Variants in FHIT observed in about 807,000 individuals in gnomAD.
FHIT encodes bis(5'-adenosyl)-triphosphatase.
In FHIT, 19 loss-of-function variants were observed where a neutral mutation model predicts 17.9. The observed-to-expected ratio is 1.06, with a 90% CI of 0.74 to 1.56. The LOEUF is 1.56. Ranked by LOEUF, FHIT falls within the 40% of genes most tolerant of loss-of-function variation. The probability of loss-of-function intolerance (pLI) is 0.00; values close to 1 mark genes in which losing one functional copy is unlikely to be tolerated. For missense variants in FHIT, 248 were observed against 189.2 expected, an observed-to-expected ratio of 1.31 and a Z score of -1.82; for synonymous variants, 81 against 69.7, an observed-to-expected ratio of 1.16 and a Z score of -0.81.
At chr3:60,184,906 T>C (rs183383116) in intron 5 of FHIT, among the ~76,000 whole-genome samples, 268 of 152,330 alleles carry the variant, frequency 1.8e-3, no homozygotes, top group Non-Finnish European at 3.1e-3. Context: ...GACCCATCTT[T>C]GGCGCTTGGG....
intron 4 of FHIT, among the ~76,000 whole-genome samples, chr3:60,721,182 G>C (rs1242853110): frequency 6.6e-6 from 1 of 152,126 alleles, no homozygotes; most frequent in Non-Finnish European, 1.5e-5. Flanking sequence ...GGTGAGCCGG[G>C]AAGCATTTGC....
intron 4 of FHIT, among the ~76,000 whole-genome samples, chr3:60,576,829 C>G (rs2037582317): frequency 6.6e-6 from 1 of 151,954 alleles, no homozygotes; most frequent in Admixed American, 6.6e-5. Flanking sequence ...GAAAACCTAT[C>G]CCCCTAAAGC....
intron 5 of FHIT, among the ~76,000 whole-genome samples, chr3:60,504,121 C>T (rs2107529077): frequency 6.6e-6 from 1 of 152,214 alleles, no homozygotes; most frequent in Admixed American, 6.5e-5. Context: ...TATTGATAGC[C>T]ACCAATGTCA....
At position 60,719,587 on chromosome 3, in the gene FHIT, T is replaced by C. The variant is rs1004537802; in HGVS notation, c.-18+102332A>G. Among the ~76,000 whole-genome samples, 6 of 152,288 alleles carry C rather than the reference T, an allele frequency of 3.9e-5. No individual in the cohort carries two copies. In the South Asian group the frequency reaches 1.0e-3, roughly 26 times the overall value. On this transcript the variant is annotated intron_variant, in intron 4 of 9. Coordinates refer to ENST00000492590, the MANE Select transcript of FHIT (RefSeq NM_002012.4). ...CCCTAGATTATCAAAGTATGGTCCA[T>C]GAACTGGCAGCGTCAGCAGCATTTG...
At chr3:60,741,033 G>A (rs1553713759) in intron 4 of FHIT, among the ~76,000 whole-genome samples, 2 of 152,150 alleles carry the variant, frequency 1.3e-5, no homozygotes, top group African/African-American at 4.8e-5. Flanking sequence ...CAGAAAAAAA[G>A]TCCAGGGACA....
intron 3 of FHIT, among the ~76,000 whole-genome samples, chr3:61,008,057 C>T (rs1253885061): frequency 6.6e-6 from 1 of 152,150 alleles, no homozygotes; most frequent in Non-Finnish European, 1.5e-5. Flanking sequence ...TACTAATTCC[C>T]TCACTCCCTT....
At chr3:60,362,767 C>T (rs914701830) in intron 5 of FHIT, among the ~76,000 whole-genome samples, 10 of 152,120 alleles carry the variant, frequency 6.6e-5, no homozygotes, top group African/African-American at 2.4e-4. Context: ...ATCAGATTGC[C>T]TTCCTTATAG....
intron 4 of FHIT, among the ~76,000 whole-genome samples, chr3:60,705,155 A>G (rs1461466647): frequency 6.6e-6 from 1 of 152,178 alleles, no homozygotes; most frequent in African/African-American, 2.4e-5. Context: ...ATCATACTTT[A>G]TATTTTTACA....
chr3:60,143,230 C>T (rs1375016909), intron 5 of FHIT, among the ~76,000 whole-genome samples: 1 of 152,170 alleles, frequency 6.6e-6, no homozygotes, highest in Non-Finnish European at 1.5e-5. Context: ...TTTCTTAGCC[C>T]TCCTTGTATC....
intron 4 of FHIT, among the ~76,000 whole-genome samples, chr3:60,538,601 C>A (rs1475455528): frequency 4.6e-5 from 7 of 152,114 alleles, no homozygotes; most frequent in African/African-American, 1.7e-4. Flanking sequence ...AGATATAGAC[C>A]AATGGAACAG....
intron 8 of FHIT, among the ~76,000 whole-genome samples, chr3:59,898,713 T>C (rs570904688): frequency 2.0e-5 from 3 of 152,202 alleles, no homozygotes; most frequent in South Asian, 2.1e-4. Flanking sequence ...CCTGCAGCCA[T>C]GTGACCTTAC....
chr3:60,362,886 A>G (rs1455018673), intron 5 of FHIT, among the ~76,000 whole-genome samples: 1 of 152,234 alleles, frequency 6.6e-6, no homozygotes, highest in East Asian at 1.9e-4. Flanking sequence ...CCCGTGTCAG[A>G]GAAATCAGAA....
At chr3:61,025,559 A>G (rs1472522256) in intron 3 of FHIT, among the ~76,000 whole-genome samples, 1 of 151,986 alleles carries the variant, frequency 6.6e-6, no homozygotes, top group Non-Finnish European at 1.5e-5. Flanking sequence ...AGATTTACAG[A>G]TCAGACACAG....
intron 4 of FHIT, among the ~76,000 whole-genome samples, chr3:60,682,422 C>T (rs1177277167): frequency 6.6e-6 from 1 of 152,208 alleles, no homozygotes; most frequent in African/African-American, 2.4e-5. Context: ...CAGCTGGTGA[C>T]TTTAAGTTGA....
At chr3:61,051,695 T>G (rs2034034428) in intron 2 of FHIT, among the ~76,000 whole-genome samples, 1 of 149,000 alleles carries the variant, frequency 6.7e-6, no homozygotes, top group African/African-American at 2.5e-5. Flanking sequence ...AATATGCAAA[T>G]TTTAAGCCAA....
intron 4 of FHIT, among the ~76,000 whole-genome samples, chr3:60,605,630 T>C (rs2038584117): frequency 6.6e-6 from 1 of 152,222 alleles, no homozygotes; most frequent in Non-Finnish European, 1.5e-5. Flanking sequence ...ACTACAGCAA[T>C]TAAACACAAG....
At chr3:60,486,494 A>G (rs2033846520) in intron 5 of FHIT, among the ~76,000 whole-genome samples, 1 of 152,156 alleles carries the variant, frequency 6.6e-6, no homozygotes, top group Non-Finnish European at 1.5e-5. Context: ...AGGATCCATC[A>G]GCAAATTTAG....
chr3:60,499,965 G>A (rs537940657), intron 5 of FHIT, among the ~76,000 whole-genome samples: 57 of 152,072 alleles, frequency 3.7e-4, no homozygotes, highest in Non-Finnish European at 5.9e-4. Flanking sequence ...CATCTTTTAT[G>A]GTAAACCTCT....
chr3:59,971,703 G>T (rs753612127), intron 7 of FHIT, among the ~76,000 whole-genome samples: 1 of 152,252 alleles, frequency 6.6e-6, no homozygotes, highest in Non-Finnish European at 1.5e-5. Flanking sequence ...TCTGAGCTCA[G>T]GAAGACTGAA....
Sources: gnomAD v4.1 joint callset for allele counts (sites outside exome capture counted in the v4.1 genomes callset) on GRCh38, gnomAD v4.1.1 for gene constraint, MANE v1.5 for transcripts, NCBI Gene and HGNC (gene_info 2026-07-23, HGNC 2026-07-21) for gene names.